Variants in PDGFC observed in about 807,000 individuals in gnomAD.
The protein encoded by PDGFC is platelet derived growth factor C.
Under a neutral mutation model 35.5 loss-of-function variants are expected in PDGFC, and 12 were observed. The observed-to-expected ratio is 0.34, with a 90% CI of 0.22 to 0.55. The LOEUF is 0.55. Among genes scored for constraint, PDGFC ranks in the 20% least tolerant of loss-of-function variants. PDGFC has a pLI of 0.91. For synonymous variants in PDGFC, 159 were observed against 148.8 expected (o/e 1.07, Z -0.50); for missense variants, 322 against 412.4 (o/e 0.78, Z 1.90).
intron 1 of PDGFC, among the ~76,000 whole-genome samples, chr4:156,949,039 G>A (rs1732015591): frequency 6.6e-6 from 1 of 151,864 alleles, no homozygotes; most frequent in South Asian, 2.1e-4. Context: ...TATAGCGCAG[G>A]AGAGTGGAAG....
At chr4:156,824,209 T>A (rs548903519) in intron 2 of PDGFC, among the ~76,000 whole-genome samples, 35 of 149,664 alleles carry the variant, frequency 2.3e-4, no homozygotes, top group Middle Eastern at 3.5e-3. Flanking sequence ...CTAAAGAGGC[T>A]CCAAAACTAG....
chr4:156,971,772 G>A lies in PDGFC; in HGVS notation c.-869C>T, dbSNP rs1732601502. Among the ~76,000 whole-genome samples the A allele has an allele frequency of 6.6e-6, 1 of 151,938 alleles. No individual in the cohort carries two copies. Among genetic ancestry groups the A allele is most frequent in the African/African-American group, 2.4e-5 (1 of 41,436 alleles). On this transcript the variant is annotated 5_prime_UTR_variant, in exon 1 of 6. Coordinates refer to ENST00000502773, the MANE Select transcript of PDGFC (RefSeq NM_016205.3). ...GCCTCGGGCTCCGCGCTAACCTCGG[G>A]GCTACGCGCGGCGTCTCCGCACGGG... is the stretch of plus-strand genomic sequence containing the variant.
intron 1 of PDGFC, among the ~76,000 whole-genome samples, chr4:156,944,921 A>C (rs79146773): frequency 0.019 from 2,928 of 151,616 alleles, 81 homozygotes; most frequent in African/African-American, 0.065. Flanking sequence ...GCACATTCTG[A>C]CCCAGGGCAT....
intron 2 of PDGFC, among the ~76,000 whole-genome samples, chr4:156,813,913 T>A (rs1429837414): frequency 1.3e-5 from 2 of 152,130 alleles, no homozygotes; most frequent in Non-Finnish European, 2.9e-5. Context: ...AGAATTCGTG[T>A]CAGCTCCAGC....
intron 1 of PDGFC, among the ~76,000 whole-genome samples, chr4:156,864,029 G>T (rs1290823794): frequency 6.6e-6 from 1 of 151,872 alleles, no homozygotes; most frequent in African/African-American, 2.4e-5. Flanking sequence ...GTTTGGTTTA[G>T]TTCATTTGTT....
At chr4:156,844,148 G>C (rs1266846149) in intron 2 of PDGFC, among the ~76,000 whole-genome samples, 1 of 152,100 alleles carries the variant, frequency 6.6e-6, no homozygotes, top group East Asian at 1.9e-4. Context: ...CATCACCACA[G>C]AAAGCAAATA....
chr4:156,960,114 C>T (rs1218055931), intron 1 of PDGFC, among the ~76,000 whole-genome samples: 9 of 151,658 alleles, frequency 5.9e-5, no homozygotes, highest in African/African-American at 1.2e-4. Context: ...CTCAGCATCT[C>T]TCAGTAGCCT....
At chr4:156,959,602 C>T (rs1732291587) in intron 1 of PDGFC, among the ~76,000 whole-genome samples, 1 of 151,968 alleles carries the variant, frequency 6.6e-6, no homozygotes, top group African/African-American at 2.4e-5. Flanking sequence ...ACCACACATT[C>T]CTACATACCA....
chr4:156,905,943 GT>G (rs148641733), intron 1 of PDGFC, among the ~76,000 whole-genome samples: 3,187 of 152,130 alleles, frequency 0.021, 105 homozygotes, highest in African/African-American at 0.072. Flanking sequence ...TTACAAGCCT[GT>G]TATGTAAAGT....
chr4:156,836,382 C>T (rs1240891883), intron 2 of PDGFC, among the ~76,000 whole-genome samples: 2 of 152,202 alleles, frequency 1.3e-5, no homozygotes, highest in Non-Finnish European at 2.9e-5. Context: ...AAAAAAGTTA[C>T]ATTTAAATGA....
chr4:156,924,167 A>T (rs572670874), intron 1 of PDGFC, among the ~76,000 whole-genome samples: 1 of 152,298 alleles, frequency 6.6e-6, no homozygotes, highest in Admixed American at 6.5e-5. Context: ...TGCTCTCTGC[A>T]AAGCGCTCCA....
intron 1 of PDGFC, among the ~76,000 whole-genome samples, chr4:156,881,467 C>A (rs533786892): frequency 1.3e-5 from 2 of 152,082 alleles, no homozygotes. Context: ...ATAATTCCCA[C>A]GTGTTGTGGG....
intron 1 of PDGFC, among the ~76,000 whole-genome samples, chr4:156,866,384 G>T (rs547863554): frequency 3.3e-5 from 5 of 152,168 alleles, no homozygotes; most frequent in South Asian, 4.1e-4. Flanking sequence ...AGACTGAAAA[G>T]TAGTAACAAA....
chr4:156,962,765 G>C (rs1235556950), intron 1 of PDGFC, among the ~76,000 whole-genome samples: 1 of 152,118 alleles, frequency 6.6e-6, no homozygotes, highest in Non-Finnish European at 1.5e-5. Context: ...TGAAGCCCTG[G>C]TGTTTTTCCT....
intron 1 of PDGFC, among the ~76,000 whole-genome samples, chr4:156,947,129 T>C (rs745744161): frequency 3.3e-5 from 5 of 151,962 alleles, no homozygotes; most frequent in Non-Finnish European, 7.4e-5. Flanking sequence ...GCTGGGATTC[T>C]AGCTCCTAAG....
chr4:156,810,365 T>C (rs749899931), intron 3 of PDGFC, among the ~76,000 whole-genome samples: 49 of 152,092 alleles, frequency 3.2e-4, no homozygotes, highest in Admixed American at 8.5e-4. Flanking sequence ...TCACAATTTA[T>C]AACATACACA....
At chr4:156,772,978 GAGGCTGGA>G (rs1304757888) in intron 3 of PDGFC, 85 bp from the exon 4 acceptor site, 1 of 882,124 alleles carries the variant, frequency 1.1e-6, no homozygotes, top group Non-Finnish European at 1.8e-6. Flanking sequence ...TATAAAGACT[GAGGCTGGA>G]AATATGTGTG....
rs561139895 is a variant in PDGFC, at chr4:156,865,259, G to T, written c.119-14843C>A. Among the ~76,000 whole-genome samples the T allele has an allele frequency of 5.3e-5, 8 of 151,742 alleles. No individual in the cohort carries two copies. The South Asian group carries it at 1.7e-3, about 32-fold the overall frequency. On this transcript the variant is annotated intron_variant, in intron 1 of 5. Coordinates refer to ENST00000502773, the MANE Select transcript of PDGFC (RefSeq NM_016205.3). ...AAAGTGGTCCAGCATGAACACAGGG[G>T]TATCATTTCACATACTTCCAACGTA...
intron 3 of PDGFC, among the ~76,000 whole-genome samples, chr4:156,804,203 AAAATAAATAAATAAAC>A (rs1731693066): frequency 6.6e-6 from 1 of 151,980 alleles, no homozygotes; most frequent in African/African-American, 2.4e-5. Context: ...AGTAATTGTA[AAAATAAATAAATAAAC>A]AAATAAATAA....
Sources: allele counts gnomAD v4.1 joint callset (sites outside exome capture counted in the v4.1 genomes callset), GRCh38; gene constraint gnomAD v4.1.1; transcripts MANE v1.5; gene names NCBI Gene and HGNC (gene_info 2026-07-23, HGNC 2026-07-21).